Variants in AHI1 observed in about 807,000 individuals in gnomAD.
AHI1 encodes the protein Abelson helper integration site 1.
A neutral mutation model predicts 149.3 loss-of-function variants in AHI1; 123 were observed. That is an observed-to-expected ratio of 0.82 (90% CI 0.71 to 0.96). AHI1 has a LOEUF of 0.96. Ranked by LOEUF, AHI1 falls within the 40% of genes least tolerant of loss-of-function variation. The probability of loss-of-function intolerance (pLI) is 0.00; values close to 1 mark genes in which losing one functional copy is unlikely to be tolerated. For synonymous variants in AHI1, 475 were observed against 459.8 expected (o/e 1.03, Z -0.42); for missense variants, 1,439 against 1,422.7 (o/e 1.01, Z -0.18).
At chr6:135,480,211 C>G (rs545212840) in intron 5 of AHI1, among the ~76,000 whole-genome samples, 2 of 152,280 alleles carry the variant, frequency 1.3e-5, no homozygotes, top group Admixed American at 1.3e-4. Context: ...TGTAATTGCA[C>G]TTTGGGAACA....
At chr6:135,425,265 C>T (rs1036391370) in intron 20 of AHI1, among the ~76,000 whole-genome samples, 7 of 151,830 alleles carry the variant, frequency 4.6e-5, no homozygotes, top group African/African-American at 1.4e-4. Context: ...CATGGAAATC[C>T]TTCCTCTTGC....
chr6:135,308,967 T>A (rs1234469708), intron 26 of AHI1, among the ~76,000 whole-genome samples: 1 of 152,090 alleles, frequency 6.6e-6, no homozygotes, highest in African/African-American at 2.4e-5. Context: ...CCTGGAAATA[T>A]GGAGAGCACT....
At chr6:135,342,790 T>C (rs536474843) in intron 24 of AHI1, among the ~76,000 whole-genome samples, 3 of 151,892 alleles carry the variant, frequency 2.0e-5, no homozygotes, top group East Asian at 1.9e-4. Flanking sequence ...ATAAAGGCTA[T>C]ATATAGGCTA....
intron 28 of AHI1, among the ~76,000 whole-genome samples, chr6:135,288,291 A>G (rs764035217): frequency 1.3e-5 from 2 of 152,026 alleles, no homozygotes; most frequent in Non-Finnish European, 2.9e-5. Flanking sequence ...TTAATATACA[A>G]AGCAATGTGT....
chr6:135,413,847 G>T (rs1379628050), intron 20 of AHI1, among the ~76,000 whole-genome samples: 1 of 152,130 alleles, frequency 6.6e-6, no homozygotes, highest in Non-Finnish European at 1.5e-5. Context: ...ATACTGCTGA[G>T]AGAAACTGAC....
intron 9 of AHI1, among the ~76,000 whole-genome samples, chr6:135,456,621 T>G (rs551236935): frequency 6.6e-6 from 1 of 152,296 alleles, no homozygotes; most frequent in South Asian, 2.1e-4. Flanking sequence ...AGTTGTCATA[T>G]TTTCTTTGTG....
At chr6:135,431,140 A>C in intron 17 of AHI1, 68 bp downstream of exon 17, 1 of 1,068,004 alleles carries the variant, frequency 9.4e-7, no homozygotes, top group Non-Finnish European at 1.4e-6. Flanking sequence ...ATCCTATCTT[A>C]AAGTCATGTG....
intron 13 of AHI1, among the ~76,000 whole-genome samples, chr6:135,443,735 A>G (rs1786699393): frequency 6.6e-6 from 1 of 152,146 alleles, no homozygotes; most frequent in South Asian, 2.1e-4. Context: ...AAAATTCAAA[A>G]GAATTTGTTA....
intron 23 of AHI1, among the ~76,000 whole-genome samples, chr6:135,385,562 T>C (rs1303780884): frequency 6.6e-6 from 1 of 152,184 alleles, no homozygotes; most frequent in Non-Finnish European, 1.5e-5. Context: ...TTTCAACAAA[T>C]TCATAGAAGA....
chr6:135,351,135 C>CAAAAAAAAAAAAAAAAAAAAAA (rs1183574427), intron 24 of AHI1, among the ~76,000 whole-genome samples: 1 of 131,370 alleles, frequency 7.6e-6, no homozygotes, highest in African/African-American at 3.4e-5. Context: ...AAACAAAAAA[C>CAAAAAAAAAAAAAAAAAAAAAA]AAAAAAAACA....
At chr6:135,460,553 T>A (rs1225002540) in intron 8 of AHI1, among the ~76,000 whole-genome samples, 1 of 152,020 alleles carries the variant, frequency 6.6e-6, no homozygotes, top group Non-Finnish European at 1.5e-5. Context: ...CAAGACAGAA[T>A]GAGGGTAAAA....
chr6:135,465,705 CAAA>C, intron 7 of AHI1, 106 bp downstream of exon 7: 1 of 922,502 alleles, frequency 1.1e-6, no homozygotes, highest in South Asian at 2.9e-5. Flanking sequence ...ACAATGTCTC[CAAA>C]TAAAAGCGTA....
At chr6:135,465,015 C>G (rs191672935) in intron 7 of AHI1, among the ~76,000 whole-genome samples, 1 of 152,278 alleles carries the variant, frequency 6.6e-6, no homozygotes, top group African/African-American at 2.4e-5. Flanking sequence ...TATCATGTCC[C>G]TGCAGCAACT....
intron 3 of AHI1, 176 bp downstream of exon 3, chr6:135,495,638 T>C (rs1177339970): frequency 1.3e-5 from 2 of 152,258 alleles, no homozygotes; most frequent in Non-Finnish European, 2.9e-5. Context: ...TGGTAAAATG[T>C]TCTGTAACTC....
At chr6:135,392,344 C>T (rs1778628405) in intron 23 of AHI1, among the ~76,000 whole-genome samples, 1 of 152,166 alleles carries the variant, frequency 6.6e-6, no homozygotes, top group South Asian at 2.1e-4. Context: ...GTCTCCGTTA[C>T]CTAGAACTCA....
intron 23 of AHI1, among the ~76,000 whole-genome samples, chr6:135,362,855 CTTTTAG>C (rs1298093395): frequency 6.6e-6 from 1 of 151,934 alleles, no homozygotes; most frequent in African/African-American, 2.4e-5. Context: ...GTGCAGAAGC[CTTTTAG>C]TTTAAGTTCC....
In AHI1 at chr6:135,405,353, C is replaced by A. The variant is rs148921178; in HGVS notation, c.2962-376G>T. On this transcript the variant is annotated intron_variant, in intron 21 of 28. Transcript: ENST00000265602. ...TATAAATAATAATAGCCATAACTAT[C>A]ATTCCCATATTATTTGTATCAGATG... Among the ~76,000 whole-genome samples the A allele has an allele frequency of 8.0e-3, 1,218 of 152,248 alleles. 14 individuals carry two copies. Among genetic ancestry groups the A allele is most frequent in the African/African-American group, 0.028 (1,165 of 41,532 alleles).
At position 135,411,501 on chromosome 6, in the gene AHI1, T is replaced by C. The variant is rs373772212; in HGVS notation, c.2808A>G (p.Thr936=). 536 of 1,610,314 alleles carry C rather than the reference T, an allele frequency of 3.3e-4. No homozygotes were observed. Among genetic ancestry groups the C allele is most frequent in the Non-Finnish European group, 4.3e-4 (504 of 1,177,990 alleles). ...TTTGGTGTATTCCAGGTAATGGAAA[T>C]GTTCCATTGTAGCGTTTGAACATTT... is the stretch of plus-strand genomic sequence containing the variant. ...EAEMFKRYNG[T]FPLPGIHQSQ... Residue 936 remains threonine, a synonymous_variant, in exon 21 of 29, where the codon ACA becomes ACG. Coordinates refer to ENST00000265602, the MANE Select transcript of AHI1 (RefSeq NM_001134831.2).
At chr6:135,290,693 G>A (rs1051444371) in intron 27 of AHI1, among the ~76,000 whole-genome samples, 168 bp from the exon 28 acceptor site, 1 of 152,176 alleles carries the variant, frequency 6.6e-6, no homozygotes, top group African/African-American at 2.4e-5. Context: ...ACACGGGGAT[G>A]AGAGACAAGG....
Sources: allele counts gnomAD v4.1 joint callset (sites outside exome capture counted in the v4.1 genomes callset), GRCh38; gene constraint gnomAD v4.1.1; transcripts MANE v1.5; gene names NCBI Gene and HGNC (gene_info 2026-07-23, HGNC 2026-07-21).